Variants in EPHA3 observed in about 807,000 individuals in gnomAD.
The protein encoded by EPHA3 is ephrin type-A receptor 3.
Under a neutral mutation model 107.1 loss-of-function variants are expected in EPHA3, and 42 were observed. The observed-to-expected ratio is 0.39, with a 90% CI of 0.31 to 0.51. The LOEUF is 0.51. EPHA3 is among the 20% of genes least tolerant of loss of function. The pLI is 0.78. For missense variants in EPHA3, 1,183 were observed against 1,211.2 expected (o/e 0.98, Z 0.35); for synonymous variants, 461 against 424.8 (o/e 1.09, Z -1.05).
At chr3:89,216,056 T>A (rs1448207990) in intron 3 of EPHA3, among the ~76,000 whole-genome samples, 1 of 151,946 alleles carries the variant, frequency 6.6e-6, no homozygotes, top group Non-Finnish European at 1.5e-5. Flanking sequence ...GGTCTAGTGT[T>A]TCAAATGTGC....
intron 5 of EPHA3, among the ~76,000 whole-genome samples, chr3:89,351,690 T>C (rs978435469): frequency 1.8e-4 from 28 of 151,422 alleles, no homozygotes; most frequent in African/African-American, 6.3e-4. Context: ...ATAATGCTTT[T>C]ACATAGTCTC....
intron 15 of EPHA3, among the ~76,000 whole-genome samples, chr3:89,467,450 G>T (rs1346457464): frequency 2.0e-5 from 3 of 152,124 alleles, no homozygotes; most frequent in Non-Finnish European, 4.4e-5. Context: ...ATGTGTATTA[G>T]TTATTATTTT....
intron 10 of EPHA3, among the ~76,000 whole-genome samples, chr3:89,418,773 T>C (rs370616090): frequency 1.3e-5 from 2 of 151,538 alleles, no homozygotes; most frequent in South Asian, 2.1e-4. Flanking sequence ...TATAGCCATA[T>C]TGGCCCTCGG....
intron 2 of EPHA3, among the ~76,000 whole-genome samples, chr3:89,168,393 T>C (rs1010478596): frequency 6.6e-6 from 1 of 152,258 alleles, no homozygotes; most frequent in Non-Finnish European, 1.5e-5. Context: ...TGATTTTTTA[T>C]AGGGTGTTTC....
chr3:89,124,124 G>C (rs1256591723), intron 1 of EPHA3, among the ~76,000 whole-genome samples: 1 of 152,098 alleles, frequency 6.6e-6, no homozygotes, highest in Non-Finnish European at 1.5e-5. Flanking sequence ...TAGTATATTT[G>C]TATGTCACAA....
At chr3:89,423,268 A>T (rs2107529723) in intron 11 of EPHA3, among the ~76,000 whole-genome samples, 1 of 151,494 alleles carries the variant, frequency 6.6e-6, no homozygotes, top group African/African-American at 2.4e-5. Flanking sequence ...TTTCATAATT[A>T]AAACTTATCT....
At chr3:89,179,797 G>GATAC (rs1705401213) in intron 2 of EPHA3, among the ~76,000 whole-genome samples, 1 of 151,796 alleles carries the variant, frequency 6.6e-6, no homozygotes, top group African/African-American at 2.4e-5. Context: ...CACACTTGTA[G>GATAC]ATACATGTTC....
intron 2 of EPHA3, among the ~76,000 whole-genome samples, chr3:89,201,703 T>C (rs1352550590): frequency 1.3e-5 from 2 of 152,240 alleles, no homozygotes; most frequent in African/African-American, 4.8e-5. Context: ...TTTCCATGTT[T>C]AATATTAGAA....
intron 3 of EPHA3, among the ~76,000 whole-genome samples, chr3:89,269,023 A>G (rs74951138): frequency 0.06 from 9,165 of 152,118 alleles, 334 homozygotes; most frequent in East Asian, 0.15. Flanking sequence ...GTAATATGGT[A>G]TTATGGCATT....
At chr3:89,337,160 T>G (rs1408001101) in intron 3 of EPHA3, among the ~76,000 whole-genome samples, 1 of 152,224 alleles carries the variant, frequency 6.6e-6, no homozygotes, top group Non-Finnish European at 1.5e-5. Flanking sequence ...TCACTTGGAA[T>G]AGATGACAAA....
chr3:89,480,020 GT>G lies in EPHA3; in HGVS notation c.*521del, dbSNP rs1325426731. The G allele has an allele frequency of 4.3e-6, 1 of 233,072 alleles. No individual in the cohort carries two copies. The highest frequency in any genetic ancestry group is 2.2e-5 in the African/African-American group (1 of 45,284). 14.4% of individuals were successfully genotyped at this position (233,072 alleles called of 1,614,324 possible). On this transcript the variant is annotated 3_prime_UTR_variant, in exon 17 of 17. Transcript: ENST00000336596. ...ATCACTGCATTATTCTCTTTTATCTGTTTAAAGCATATAGAGATGAAGTTTG... is the reference window on the plus strand; with the variant it reads ...ATCACTGCATTATTCTCTTTTATCTGTTAAAGCATATAGAGATGAAGTTTG...
intron 3 of EPHA3, among the ~76,000 whole-genome samples, chr3:89,223,030 T>A (rs1704416983): frequency 6.6e-6 from 1 of 152,200 alleles, no homozygotes; most frequent in Non-Finnish European, 1.5e-5. Flanking sequence ...TCTAAAAGCT[T>A]ATTTAAAGCA....
At chr3:89,286,690 G>A (rs1706091469) in intron 3 of EPHA3, among the ~76,000 whole-genome samples, 1 of 152,150 alleles carries the variant, frequency 6.6e-6, no homozygotes, top group Non-Finnish European at 1.5e-5. Context: ...GACTGCTAGT[G>A]TAACAGGTTT....
At chr3:89,365,897 G>A (rs1490980503) in intron 5 of EPHA3, among the ~76,000 whole-genome samples, 1 of 150,752 alleles carries the variant, frequency 6.6e-6, no homozygotes, top group African/African-American at 2.4e-5. Context: ...ATAGGTAGCG[G>A]TGCTTGTGTA....
rs548109061 is a variant in EPHA3, at chr3:89,399,812, C to T, written c.1594+332C>T. Reference sequence around the variant, plus strand: ...CCAGTGTCTGTCATTTCAGATATTCCAGGTTCATTGCGTGATTCAATGAAC... The same window carrying T: ...CCAGTGTCTGTCATTTCAGATATTCTAGGTTCATTGCGTGATTCAATGAAC... On this transcript the variant is annotated intron_variant, in intron 7 of 16. Coordinates refer to ENST00000336596, the MANE Select transcript of EPHA3 (RefSeq NM_005233.6). The T allele has an allele frequency of 3.4e-4, 377 of 1,107,192 alleles. 3 individuals carry two copies. The African/African-American group carries it at 5.5e-3, about 16-fold the overall frequency. 68.6% of individuals were successfully genotyped at this position (1,107,192 alleles called of 1,614,324 possible).
At chr3:89,171,158 G>A (rs1161447022) in intron 2 of EPHA3, among the ~76,000 whole-genome samples, 1 of 151,904 alleles carries the variant, frequency 6.6e-6, no homozygotes, top group Non-Finnish European at 1.5e-5. Flanking sequence ...AGAAAGAAGC[G>A]TTTTACCCAC....
In EPHA3 at chr3:89,189,959, A is replaced by C. The variant is rs1399882809; in HGVS notation, c.154-19901A>C. ...TTAAACCCAGTTCAGCTCATTTGGAAGTATAATTTCAACATGAGATCTGAG... is the reference window on the plus strand; with the variant it reads ...TTAAACCCAGTTCAGCTCATTTGGACGTATAATTTCAACATGAGATCTGAG... On this transcript the variant is annotated intron_variant, in intron 2 of 16. Coordinates refer to ENST00000336596, the MANE Select transcript of EPHA3 (RefSeq NM_005233.6). 1.6e-4 allele frequency among the ~76,000 whole-genome samples: 24 copies of C among 152,314 alleles called. No homozygotes were observed. In the East Asian group the frequency reaches 4.6e-3, roughly 29 times the overall value.
chr3:89,122,233 T>A (rs1335672084), intron 1 of EPHA3, among the ~76,000 whole-genome samples: 2 of 152,176 alleles, frequency 1.3e-5, no homozygotes, highest in East Asian at 3.9e-4. Context: ...ACAGTGATGG[T>A]GTGCATAGAA....
At chr3:89,419,476 C>A (rs929393019) in intron 11 of EPHA3, 86 bp downstream of exon 11, 2 of 1,258,128 alleles carry the variant, frequency 1.6e-6, no homozygotes, top group Non-Finnish European at 2.1e-6. Flanking sequence ...AGAATTTTGG[C>A]TTTTTTTCAT....
Sources: allele counts gnomAD v4.1 joint callset (sites outside exome capture counted in the v4.1 genomes callset), GRCh38; gene constraint gnomAD v4.1.1; transcripts MANE v1.5; gene names NCBI Gene and HGNC (gene_info 2026-07-23, HGNC 2026-07-21).